IQUB: variants seen among roughly 807,000 people sequenced by gnomAD.
The protein encoded by IQUB is IQ motif and ubiquitin domain containing.
In IQUB, 86 loss-of-function variants were observed where a neutral mutation model predicts 86.4. The observed-to-expected ratio is 1.00, with a 90% CI of 0.84 to 1.19. The LOEUF (loss-of-function observed/expected upper bound fraction) is 1.19. Among genes scored for constraint, IQUB ranks in the 50% most tolerant of loss-of-function variants. The pLI, the probability that IQUB is intolerant of heterozygous loss-of-function variation, is 0.00. For missense variants in IQUB, 946 were observed against 916.9 expected (o/e 1.03, Z -0.41); for synonymous variants, 289 against 304.5 (o/e 0.95, Z 0.53).
At chr7:123,464,038 G>GAAGT (rs1182945697) in intron 10 of IQUB, among the ~76,000 whole-genome samples, 1 of 151,616 alleles carries the variant, frequency 6.6e-6, no homozygotes, top group Non-Finnish European at 1.5e-5. Flanking sequence ...TATTCTTCTA[G>GAAGT]AAGTTTTGAC....
At chr7:123,513,395 A>G (rs1322843754) in intron 1 of IQUB, among the ~76,000 whole-genome samples, 2 of 152,222 alleles carry the variant, frequency 1.3e-5, no homozygotes, top group Admixed American at 6.5e-5. Flanking sequence ...AAAAAATATG[A>G]GACTAAAAGC....
At chr7:123,524,607 C>G (rs1037615443) in intron 1 of IQUB, among the ~76,000 whole-genome samples, 3 of 150,654 alleles carry the variant, frequency 2.0e-5, no homozygotes, top group Non-Finnish European at 3.0e-5. Flanking sequence ...TGGGCTGAGA[C>G]AATGGGGTTT....
Position 123,464,466 on chromosome 7 carries a change from T to C in IQUB, c.1758+367A>G, listed in dbSNP as rs553923154. On this transcript the variant is annotated intron_variant, in intron 10 of 12. Transcript: ENST00000324698. ...TGAAGGAGAAGAGATGAGATGAGAA[T>C]TGAGTCTTAGAAAATGAACAGGAAT... 5.3e-5 allele frequency among the ~76,000 whole-genome samples: 8 copies of C among 151,930 alleles called. No individual in the cohort carries two copies. In the South Asian group the frequency reaches 1.0e-3, roughly 20 times the overall value.
At chr7:123,478,626 C>T (rs1415521327) in intron 8 of IQUB, among the ~76,000 whole-genome samples, 1 of 151,984 alleles carries the variant, frequency 6.6e-6, no homozygotes, top group Non-Finnish European at 1.5e-5. Context: ...CTCAAAATCA[C>T]TATTAAATAA....
At chr7:123,489,273 G>T (rs1366841870) in intron 7 of IQUB, among the ~76,000 whole-genome samples, 1 of 152,120 alleles carries the variant, frequency 6.6e-6, no homozygotes, top group Non-Finnish European at 1.5e-5. Context: ...ATCCTATTTT[G>T]ATATAACAGA....
intron 6 of IQUB, among the ~76,000 whole-genome samples, chr7:123,498,090 CT>C (rs1258173115): frequency 6.6e-6 from 1 of 151,806 alleles, no homozygotes; most frequent in East Asian, 1.9e-4. Flanking sequence ...AAAAAGCCCC[CT>C]ATCCAGAAAA....
intron 1 of IQUB, among the ~76,000 whole-genome samples, chr7:123,520,119 C>T (rs1796835865): frequency 6.6e-6 from 1 of 152,060 alleles, no homozygotes; most frequent in South Asian, 2.1e-4. Context: ...AATTATTGCA[C>T]ATATTTATTG....
Position 123,475,109 on chromosome 7 carries a change from A to G in IQUB, c.1410+4686T>C, listed in dbSNP as rs192132384. On this transcript the variant is annotated intron_variant, in intron 8 of 12. Coordinates refer to ENST00000324698, the MANE Select transcript of IQUB (RefSeq NM_178827.5). ...TTCCTTTATTTAGTCACATAACTAA[A>G]GAAGTCACAAAAAGTCACACTGTAC... Among the ~76,000 whole-genome samples the G allele has an allele frequency of 3.4e-4, 52 of 152,316 alleles. 1 individual carries two copies. In the East Asian group the frequency reaches 6.9e-3, roughly 20 times the overall value.
chr7:123,506,744 T>A (rs1796194683), intron 3 of IQUB, among the ~76,000 whole-genome samples: 1 of 152,038 alleles, frequency 6.6e-6, no homozygotes, highest in African/African-American at 2.4e-5. Context: ...CCAAACCACA[T>A]CGCCCCCAGA....
At chr7:123,523,670 GGTAGTTT>G in intron 1 of IQUB, among the ~76,000 whole-genome samples, 1 of 151,764 alleles carries the variant, frequency 6.6e-6, no homozygotes, top group African/African-American at 2.4e-5. Flanking sequence ...TCACTCTGAT[GGTAGTTT>G]CTTTTGCTGT....
Position 123,496,819 on chromosome 7 carries a change from A to G in IQUB, c.1111T>C (p.Trp371Arg). 1.2e-6 allele frequency: 2 copies of G among 1,612,666 alleles called. No homozygotes were observed. Among genetic ancestry groups the G allele is most frequent in the Non-Finnish European group, 1.7e-6 (2 of 1,179,292 alleles). The stretch of plus-strand genomic sequence containing the variant: ...TTCCTTAGTTCTTGCTGTGTTTCCC[A>G]TTCCAGTCTTAAGCTTTTCTGTCTT... ...LRRQKSLRLE[W>R]ETQQELRKIR... Residue 371 changes from tryptophan to arginine, a missense_variant, in exon 7 of 13, where the codon TGG becomes CGG. Trp to Arg is a moderately radical substitution (Grantham distance 101). Coordinates refer to ENST00000324698, the MANE Select transcript of IQUB (RefSeq NM_178827.5).
intron 9 of IQUB, among the ~76,000 whole-genome samples, chr7:123,467,757 C>G (rs1215889116): frequency 6.6e-6 from 1 of 152,170 alleles, no homozygotes; most frequent in Non-Finnish European, 1.5e-5. Context: ...CTGAACTGCC[C>G]TTGTCTGGGA....
rs10246718 is a variant in IQUB at position 123,465,887 on chromosome 7, T to C, written c.1582-878A>G. ...GCTCTGAAGTGGGGCCTAGGTATTA[T>C]ACTCATTTATGCTCATATTCATTCA... On this transcript the variant is annotated intron_variant, in intron 9 of 12. Coordinates refer to ENST00000324698, the MANE Select transcript of IQUB (RefSeq NM_178827.5). Among the ~76,000 whole-genome samples the C allele has an allele frequency of 7.5e-3, 1,147 of 152,174 alleles. 9 individuals carry two copies. The highest frequency in any genetic ancestry group is 0.048 in the South Asian group (230 of 4,822).
At chr7:123,504,443 T>C (rs764793539) in intron 3 of IQUB, among the ~76,000 whole-genome samples, 2 of 152,008 alleles carry the variant, frequency 1.3e-5, no homozygotes, top group Non-Finnish European at 2.9e-5. Context: ...AGCAAAACTC[T>C]GTCTCGAAAA....
At chr7:123,474,144 C>T (rs1794655166) in intron 8 of IQUB, among the ~76,000 whole-genome samples, 1 of 152,066 alleles carries the variant, frequency 6.6e-6, no homozygotes. Flanking sequence ...AGTATTTGGA[C>T]TCAAAAAAGT....
chr7:123,530,930 G>A (rs1797512522), intron 1 of IQUB, among the ~76,000 whole-genome samples: 1 of 151,966 alleles, frequency 6.6e-6, no homozygotes, highest in African/African-American at 2.4e-5. Context: ...GCCCGCCTCG[G>A]CCACCCAAAA....
intron 1 of IQUB, among the ~76,000 whole-genome samples, chr7:123,517,530 CAAAAAAAAAAAAAA>C (rs374712007): frequency 8.9e-5 from 2 of 22,452 alleles, no homozygotes; most frequent in East Asian, 2.9e-3. Context: ...GACTCCATCT[CAAAAAAAAAAAAAA>C]AAAAAAAAAA....
intron 6 of IQUB, 104 bp downstream of exon 6, chr7:123,502,493 G>T: frequency 1.0e-6 from 1 of 952,904 alleles, no homozygotes; most frequent in Non-Finnish European, 1.6e-6. Flanking sequence ...ATACTCATGA[G>T]CATTCTTTCT....
intron 7 of IQUB, among the ~76,000 whole-genome samples, chr7:123,486,863 G>A (rs1235685430): frequency 9.1e-6 from 1 of 110,308 alleles, no homozygotes. Flanking sequence ...TTGTGTGCAG[G>A]TAATAAGCTT....
Sources: allele counts gnomAD v4.1 joint callset (sites outside exome capture counted in the v4.1 genomes callset), GRCh38; gene constraint gnomAD v4.1.1; transcripts MANE v1.5; gene names NCBI Gene and HGNC (gene_info 2026-07-23, HGNC 2026-07-21).